PDK1: variants seen among roughly 807,000 people sequenced by gnomAD.
PDK1 encodes the protein pyruvate dehydrogenase kinase 1.
PDK1 carries 39 observed loss-of-function variants against 54.2 expected under a neutral mutation model. That is an observed-to-expected ratio of 0.72 (90% CI 0.56 to 0.94). The LOEUF (loss-of-function observed/expected upper bound fraction) is 0.94. PDK1 is among the 40% of genes least tolerant of loss of function. PDK1 has a pLI of 0.00. For synonymous variants in PDK1, 221 were observed against 207.1 expected (o/e 1.07, Z -0.58); for missense variants, 552 against 566.0 (o/e 0.98, Z 0.25).
chr2:172,717,539 T>C, the PDK1 span, among the ~76,000 whole-genome samples: 1 of 152,204 alleles, frequency 6.6e-6, no homozygotes, highest in Non-Finnish European at 1.5e-5. Context: ...GTTACTAAAA[T>C]ACCTGATTAA....
At chr2:172,685,220 C>G in the PDK1 span, among the ~76,000 whole-genome samples, 1 of 152,216 alleles carries the variant, frequency 6.6e-6, no homozygotes, top group Non-Finnish European at 1.5e-5. Context: ...TACAACAGCT[C>G]TACTCACCTA....
At chr2:172,687,049 T>C in the PDK1 span, among the ~76,000 whole-genome samples, 6 of 152,192 alleles carry the variant, frequency 3.9e-5, no homozygotes, top group African/African-American at 1.2e-4. Flanking sequence ...AGCTCATTCA[T>C]AAGAAGTATT....
the PDK1 span, among the ~76,000 whole-genome samples, chr2:172,700,330 G>A: frequency 1.9e-4 from 29 of 150,046 alleles, no homozygotes; most frequent in East Asian, 1.4e-3. Flanking sequence ...CAGACGGGGC[G>A]GCCGGGCAGA....
At chr2:172,570,482 G>GAC (rs1689185358) in intron 7 of PDK1, 1 of 367,098 alleles carries the variant, frequency 2.7e-6, no homozygotes, top group Non-Finnish European at 4.8e-6. Context: ...AGTTAAAAGT[G>GAC]TTTTGAAGTC....
the PDK1 span, among the ~76,000 whole-genome samples, chr2:172,624,756 T>C: frequency 6.6e-6 from 1 of 152,114 alleles, no homozygotes; most frequent in Non-Finnish European, 1.5e-5. Context: ...CCCAGCACTT[T>C]GGGAGGCCGA....
At chr2:172,635,768 A>G in the PDK1 span, among the ~76,000 whole-genome samples, 3 of 152,254 alleles carry the variant, frequency 2.0e-5, no homozygotes, top group South Asian at 6.2e-4. Flanking sequence ...ATGCAAGCCA[A>G]CTGCTCTCTT....
At chr2:172,654,472 A>G in the PDK1 span, among the ~76,000 whole-genome samples, 4,413 of 152,274 alleles carry the variant, frequency 0.029, 95 homozygotes, top group East Asian at 0.095. Flanking sequence ...GACATGGATG[A>G]AGCTAGAAAC....
the PDK1 span, among the ~76,000 whole-genome samples, chr2:172,646,177 G>A: frequency 6.6e-6 from 1 of 152,170 alleles, no homozygotes; most frequent in African/African-American, 2.4e-5. Context: ...CAGAAAAAAT[G>A]ACTTCTTATA....
At chr2:172,617,397 A>G in the PDK1 span, among the ~76,000 whole-genome samples, 1 of 152,182 alleles carries the variant, frequency 6.6e-6, no homozygotes, top group Non-Finnish European at 1.5e-5. Flanking sequence ...TTGTGCTGCT[A>G]TAACAGAAGA....
In PDK1 at chr2:172,606,437, C is replaced by A. The variant is rs1052657691; in HGVS notation, c.*10468C>A. On this transcript the variant is annotated 3_prime_UTR_variant, in exon 11 of 11. Transcript: ENST00000282077. Reference sequence around the variant, plus strand: ...CTTTAGTGAACCTCCATGTTATGAACCTTACTTCCTCAAGTCTCTTTTGCT... The same window carrying A: ...CTTTAGTGAACCTCCATGTTATGAAACTTACTTCCTCAAGTCTCTTTTGCT... The A allele has an allele frequency of 6.6e-6, 1 of 152,194 alleles. No individual in the cohort carries two copies. The highest frequency in any genetic ancestry group is 2.4e-5 in the African/African-American group (1 of 41,454). The allele number at this position is 152,194 out of a possible 1,614,324, so 9.4% of individuals were successfully genotyped here. A position where few individuals can be genotyped will look rare whatever the true frequency, so the allele number is the denominator to read the frequency against.
At chr2:172,564,103 T>C in intron 3 of PDK1, 1 of 473,378 alleles carries the variant, frequency 2.1e-6, no homozygotes, top group Non-Finnish European at 4.4e-6. Context: ...CTTGATTCCT[T>C]GCAGAGCAGA....
At chr2:172,615,088 A>T in the PDK1 span, among the ~76,000 whole-genome samples, 1 of 152,156 alleles carries the variant, frequency 6.6e-6, no homozygotes, top group African/African-American at 2.4e-5. Context: ...GGCCGCCTGG[A>T]TCCCACACTT....
At chr2:172,664,016 T>C in the PDK1 span, among the ~76,000 whole-genome samples, 1 of 151,776 alleles carries the variant, frequency 6.6e-6, no homozygotes, top group African/African-American at 2.4e-5. Context: ...GTAAGCTTTT[T>C]AAAAGCATTG....
rs1252192753 is a variant in PDK1, at chr2:172,601,742, G to A, written c.*5773G>A. ...CCACAGCTGTGGCAGCAACCAGCTA[G>A]TGGGTGTCCCTTGATGGAGGCTTTG... On this transcript the variant is annotated 3_prime_UTR_variant, in exon 11 of 11. Transcript: ENST00000282077. The A allele has an allele frequency of 6.6e-6, 1 of 152,224 alleles. No individual in the cohort carries two copies. Among genetic ancestry groups the A allele is most frequent in the Non-Finnish European group, 1.5e-5 (1 of 68,044 alleles). The allele number at this position is 152,224 out of a possible 1,614,324, so 9.4% of individuals were successfully genotyped here.
At chr2:172,692,674 C>G in the PDK1 span, among the ~76,000 whole-genome samples, 1 of 152,146 alleles carries the variant, frequency 6.6e-6, no homozygotes, top group Admixed American at 6.5e-5. Flanking sequence ...TTGGATCTTG[C>G]AGTGAGGTGA....
chr2:172,673,686 A>G, the PDK1 span, among the ~76,000 whole-genome samples: 1 of 152,240 alleles, frequency 6.6e-6, no homozygotes, highest in Non-Finnish European at 1.5e-5. Context: ...TAACAGCTCA[A>G]CTTAACATGT....
chr2:172,679,770 C>A, the PDK1 span, among the ~76,000 whole-genome samples: 1 of 151,840 alleles, frequency 6.6e-6, no homozygotes, highest in South Asian at 2.1e-4. Context: ...AGAATGGAAG[C>A]AAAACAGAAA....
At chr2:172,653,328 C>A in the PDK1 span, among the ~76,000 whole-genome samples, 1 of 152,056 alleles carries the variant, frequency 6.6e-6, no homozygotes, top group Non-Finnish European at 1.5e-5. Flanking sequence ...ATTCACCAGG[C>A]GCAGTGGCTC....
At position 172,556,287 on chromosome 2, in the gene PDK1, T is replaced by C; in HGVS notation, c.137T>C (p.Val46Ala). The C allele has an allele frequency of 6.6e-7, 1 of 1,510,246 alleles. No individual in the cohort carries two copies. Among genetic ancestry groups the C allele is most frequent in the Non-Finnish European group, 8.8e-7 (1 of 1,135,632 alleles). 93.6% of individuals were successfully genotyped at this position (1,510,246 alleles called of 1,614,324 possible). The change falls in exon 1 of 11, where the codon GTG (valine) becomes GCG (alanine). Residue 46 changes from valine to alanine, a missense_variant. Transcript: ENST00000282077. The part of the protein sequence containing the change: ...PASERGVPGQ[V>A]DFYARFSPSP... ...TCCGAGCGCGGCGTTCCGGGCCAGG[T>C]GGACTTCTACGCGCGCTTCTCGCCG...
Sources: allele counts gnomAD v4.1 joint callset (sites outside exome capture counted in the v4.1 genomes callset), GRCh38; gene constraint gnomAD v4.1.1; transcripts MANE v1.5; gene names NCBI Gene and HGNC (gene_info 2026-07-23, HGNC 2026-07-21).